Variants in ABCA7 observed in about 807,000 individuals in gnomAD.
The protein encoded by ABCA7 is ATP binding cassette subfamily A member 7.
A neutral mutation model predicts 227.6 loss-of-function variants in ABCA7; 261 were observed. The observed-to-expected ratio is 1.15, with a 90% CI of 1.04 to 1.27. The LOEUF (loss-of-function observed/expected upper bound fraction) is 1.27, where lower values mean the gene tolerates loss of function less well. Among genes scored for constraint, ABCA7 ranks in the 50% most tolerant of loss-of-function variants. The pLI is 0.00. For missense variants in ABCA7, 3,331 were observed against 2,924.5 expected, an observed-to-expected ratio of 1.14 and a Z score of -3.21; for synonymous variants, 1,488 against 1,279.7, an observed-to-expected ratio of 1.16 and a Z score of -3.47.
In ABCA7 at chr19:1,064,668, G is replaced by C. The variant is rs952721412; in HGVS notation, c.6045-263G>C. ...GTGTCCGAAAAAGGAGTCAAGTGGG[G>C]TGATAGCTTCGAGAGCAACCTGGGC... is the stretch of plus-strand genomic sequence containing the variant. On this transcript the variant is annotated intron_variant, in intron 45 of 46. Coordinates refer to ENST00000263094, the MANE Select transcript of ABCA7 (RefSeq NM_019112.4). 61 of 560,954 alleles carry C rather than the reference G, an allele frequency of 1.1e-4. No individual in the cohort carries two copies. The African/African-American group carries it at 1.2e-3, about 11-fold the overall frequency. The allele number at this position is 560,954 out of a possible 1,614,324, so 34.7% of individuals were successfully genotyped here.
At chr19:1,061,748 C>A in intron 40 of ABCA7, 34 bp from the exon 41 acceptor site, 1 of 1,573,168 alleles carries the variant, frequency 6.4e-7, no homozygotes, top group Non-Finnish European at 8.7e-7. Flanking sequence ...GGGCCTGGGG[C>A]CTCACTGAGC....
rs1234415864 is a variant in ABCA7 at position 1,048,496 on chromosome 19, C to CAAAAAAAAAAAAAAA, written c.2270-386_2270-385insAAAAAAAAAAAAAAA. Among the ~76,000 whole-genome samples the CAAAAAAAAAAAAAAA allele has an allele frequency of 1.4e-4, 3 of 21,628 alleles. 1 individual carries two copies. The highest frequency in any genetic ancestry group is 5.6e-4 in the African/African-American group (3 of 5,358). 14.2% of individuals were successfully genotyped at this position (21,628 alleles called of 152,430 possible). The stretch of plus-strand genomic sequence containing the variant: ...GGGCAACAAGAGTGAAACTCAGTCT[C>CAAAAAAAAAAAAAAA]AAAAAAAAAAAAACAAAAAAAAAAA... On this transcript the variant is annotated intron_variant, in intron 16 of 46. Coordinates refer to ENST00000263094, the MANE Select transcript of ABCA7 (RefSeq NM_019112.4).
rs368743296 is a variant in ABCA7 at position 1,058,179 on chromosome 19, G to A, written c.5059G>A (p.Val1687Ile). The A allele has an allele frequency of 5.0e-6, 8 of 1,613,722 alleles. No individual in the cohort carries two copies. Among genetic ancestry groups the A allele is most frequent in the Non-Finnish European group, 6.8e-6 (8 of 1,179,954 alleles). ...GGAGGTGAGCCGGATCTTGAAACAG[G>A]TCTTCCTTATCTTCCCCCACTTCTG... Reference protein sequence around the residue: ...LQEVSRILKQVFLIFPHFCLG... With the variant: ...LQEVSRILKQIFLIFPHFCLG... The change falls in exon 37 of 47, where the codon GTC becomes ATC. Residue 1687 changes from valine to isoleucine, a missense_variant. Transcript: ENST00000263094.
chr19:1,041,087 A>G (rs66544261), intron 1 of ABCA7, 138 bp from the exon 2 acceptor site: 7,375 of 549,860 alleles, frequency 0.013, 457 homozygotes, highest in African/African-American at 0.13. Flanking sequence ...CCCAGCTGTC[A>G]GCCCTGCTCA....
In ABCA7 at chr19:1,054,561, G is replaced by C. The variant is rs754674749; in HGVS notation, c.3727-9G>C. ...GATGGAAGCAGCAGCTGATGGGCTG[G>C]TCCCCCAGATCGTGCTGCCTGCCCT... On this transcript the variant is annotated splice_polypyrimidine_tract_variant and intron_variant, in intron 27 of 46. Transcript: ENST00000263094. The surrounding 1 kb of genome is among the most constrained non-coding windows in gnomAD (Gnocchi z 4.8). 7 of 1,606,904 alleles carry C rather than the reference G, an allele frequency of 4.4e-6. No individual in the cohort carries two copies. In the Admixed American group the frequency reaches 8.3e-5, roughly 19 times the overall value.
chr19:1,063,773 C>T lies in ABCA7; in HGVS notation c.5861C>T (p.Thr1954Ile), dbSNP rs1361245605. Reference sequence around the variant, plus strand: ...CGTGCTCCCCAGGACGAGCCGACCACAGGCATGGACCCCAGCGCGCGGCGC... The same window carrying T: ...CGTGCTCCCCAGGACGAGCCGACCATAGGCATGGACCCCAGCGCGCGGCGC... ...PAVVFLDEPT[T>I]GMDPSARRFL... Residue 1954 changes from threonine to isoleucine, a missense_variant, in exon 44 of 47, where the codon ACA becomes ATA. Physicochemically the swap from Thr to Ile is moderately conservative, Grantham distance 89 (BLOSUM62 -1). Coordinates refer to ENST00000263094, the MANE Select transcript of ABCA7 (RefSeq NM_019112.4). 1 of 1,547,266 alleles carries T rather than the reference C, an allele frequency of 6.5e-7. No homozygotes were observed. The highest frequency in any genetic ancestry group is 1.2e-5 in the South Asian group (1 of 84,390).
chr19:1,041,940 G>T lies in ABCA7; in HGVS notation c.270G>T (p.Glu90Asp). The part of the protein sequence containing the change: ...TCFPQLTPGE[E>D]PGRLSNFNDS... Reference sequence around the variant, plus strand: ...TTCCGCAGCTGACACCGGGCGAGGAGCCCGGGCGCCTGAGCAACTTCAACG... The same window carrying T: ...TTCCGCAGCTGACACCGGGCGAGGATCCCGGGCGCCTGAGCAACTTCAACG... Residue 90 changes from glutamate (E) to aspartate (D), a missense_variant, in exon 4 of 47, where the codon GAG becomes GAT. Glu to Asp is a conservative substitution (Grantham distance 45). Transcript: ENST00000263094. The T allele has an allele frequency of 6.3e-7, 1 of 1,590,722 alleles. No individual in the cohort carries two copies. The highest frequency in any genetic ancestry group is 8.5e-7 in the Non-Finnish European group (1 of 1,174,262).
chr19:1,054,399 C>T lies in ABCA7; in HGVS notation c.3726+58C>T, dbSNP rs149751912. On this transcript the variant is annotated intron_variant, in intron 27 of 46. Coordinates refer to ENST00000263094, the MANE Select transcript of ABCA7 (RefSeq NM_019112.4). This position sits in a 1 kb window ranked among gnomAD's most constrained non-coding sequence, Gnocchi z 4.8. ...GAGTCCCTGAGTTCCCTACCCTGGC[C>T]GTCCACTCAGTGGCCTAATCCAAAC... 163 of 1,557,204 alleles carry T rather than the reference C, an allele frequency of 1.0e-4. 1 individual carries two copies. In the Middle Eastern group the frequency reaches 1.6e-3, roughly 15 times the overall value.
chr19:1,054,823 G>C lies in ABCA7; in HGVS notation c.3895G>C (p.Ala1299Pro). 6.3e-7 allele frequency: 1 copy of C among 1,576,728 alleles called. No individual in the cohort carries two copies. ...CCCTGGACGTGCCCGGCTGCTCGAG[G>C]CGCTGCTGCAGGAGGCAGGACTGGA... is the stretch of plus-strand genomic sequence containing the variant. ...GDPGRARLLE[A>P]LLQEAGLEEP... is the part of the protein sequence containing the mutation. The change falls in exon 29 of 47, where the codon GCG (alanine) becomes CCG (proline). Residue 1299 changes from alanine (A) to proline (P), a missense_variant. Ala to Pro is a conservative substitution (Grantham distance 27, BLOSUM62 -1). Coordinates refer to ENST00000263094, the MANE Select transcript of ABCA7 (RefSeq NM_019112.4). The surrounding 1 kb of genome is among the most constrained non-coding windows in gnomAD (Gnocchi z 4.8).
chr19:1,051,449 G>A lies in ABCA7; in HGVS notation c.2825G>A (p.Gly942Asp), dbSNP rs1175842086. 1 of 1,582,908 alleles carries A rather than the reference G, an allele frequency of 6.3e-7. No individual in the cohort carries two copies. Among genetic ancestry groups the A allele is most frequent in the Non-Finnish European group, 8.6e-7 (1 of 1,163,006 alleles). Residue 942 changes from glycine to aspartate, a missense_variant and splice_region_variant, in exon 21 of 47, where the codon GGT (glycine) becomes GAT (aspartate). Coordinates refer to ENST00000263094, the MANE Select transcript of ABCA7 (RefSeq NM_019112.4). ...KQSVQTRHLS[G>D]GMQRKLSVAI... The stretch of plus-strand genomic sequence containing the variant: ...GAGGTCCCTTCCCCATCTCTACCAG[G>A]TGGGATGCAACGGAAGCTGTCCGTG...
chr19:1,064,889 G>C (rs2042943261), intron 45 of ABCA7, 42 bp from the exon 46 acceptor site: 1 of 1,539,528 alleles, frequency 6.5e-7, no homozygotes, highest in Non-Finnish European at 8.8e-7. Flanking sequence ...GGTGGGACCT[G>C]GGAAAGGCCC....
In ABCA7 at chr19:1,044,988, C is replaced by G; in HGVS notation, c.1216-14C>G. ...CGGACCCCAGCGCCTAGGACTCACCCCCGCATCCCACAGTGCCTGTCCTTG... is the reference window on the plus strand; with the variant it reads ...CGGACCCCAGCGCCTAGGACTCACCGCCGCATCCCACAGTGCCTGTCCTTG... On this transcript the variant is annotated splice_polypyrimidine_tract_variant and intron_variant, in intron 11 of 46. Coordinates refer to ENST00000263094, the MANE Select transcript of ABCA7 (RefSeq NM_019112.4). The G allele has an allele frequency of 6.2e-7, 1 of 1,611,734 alleles. No homozygotes were observed. Among genetic ancestry groups the G allele is most frequent in the Non-Finnish European group, 8.5e-7 (1 of 1,179,464 alleles).
chr19:1,062,980 C>T (rs374677006), intron 42 of ABCA7, among the ~76,000 whole-genome samples: 1 of 124,872 alleles, frequency 8.0e-6, no homozygotes. Flanking sequence ...GCTCCACCCA[C>T]ACCATGGCCC....
chr19:1,055,097 G>C lies in ABCA7; in HGVS notation c.3951G>C (p.Arg1317Ser). Residue 1317 changes from arginine to serine, a missense_variant and splice_region_variant, in exon 30 of 47, where the codon AGG becomes AGC. Arg to Ser is a moderately radical substitution (Grantham distance 110). Coordinates refer to ENST00000263094, the MANE Select transcript of ABCA7 (RefSeq NM_019112.4). ...EEPPVQHSSH[R>S]FSAPEVPAEV... is the part of the protein sequence containing the mutation. ...AGTGTGCACAGCCCATTGTCTGCAG[G>C]TTCTCGGCACCAGAAGTTCCTGCTG... 6.2e-7 allele frequency: 1 copy of C among 1,611,218 alleles called. No individual in the cohort carries two copies. Among genetic ancestry groups the C allele is most frequent in the South Asian group, 1.1e-5 (1 of 90,968 alleles).
At position 1,065,063 on chromosome 19, in the gene ABCA7, G is replaced by T; in HGVS notation, c.6177G>T (p.Leu2059=). 1 of 1,562,800 alleles carries T rather than the reference G, an allele frequency of 6.4e-7. No individual in the cohort carries two copies. Reference sequence around the variant, plus strand: ...ATGGAGGCCGCCTGCGCTTCCAGCTGCCGCCGGGAGGGCGCTGCGCCCTGG... The same window carrying T: ...ATGGAGGCCGCCTGCGCTTCCAGCTTCCGCCGGGAGGGCGCTGCGCCCTGG... ...EAHGGRLRFQ[L]PPGGRCALAR... is the part of the protein sequence containing the mutation. The change falls in exon 46 of 47, where the codon CTG becomes CTT. Residue 2059 remains leucine (L), a synonymous_variant. Coordinates refer to ENST00000263094, the MANE Select transcript of ABCA7 (RefSeq NM_019112.4).
At chr19:1,046,208 G>A (rs1158466578) in intron 12 of ABCA7, 22 bp from the exon 13 acceptor site, 6 of 1,602,418 alleles carry the variant, frequency 3.7e-6, no homozygotes, top group South Asian at 3.3e-5. Context: ...CCCTACAACC[G>A]GCCACCATGC....
chr19:1,057,023 T>G lies in ABCA7; in HGVS notation c.4703T>G (p.Leu1568Arg). ...GAGCGAGTCACCCGAGCCAAGCACC[T>G]GCAGCTCATGGGGGGCCTGTCCCCC... is the stretch of plus-strand genomic sequence containing the variant. ...IEERVTRAKHLQLMGGLSPTL... is the reference protein window; with the variant it reads ...IEERVTRAKHRQLMGGLSPTL... Residue 1568 changes from leucine (L) to arginine (R), a missense_variant, in exon 34 of 47, where the codon CTG becomes CGG. Leu to Arg is a moderately radical substitution (Grantham distance 102, BLOSUM62 -2). Coordinates refer to ENST00000263094, the MANE Select transcript of ABCA7 (RefSeq NM_019112.4). The G allele has an allele frequency of 6.2e-7, 1 of 1,613,878 alleles. No individual in the cohort carries two copies. The highest frequency in any genetic ancestry group is 8.5e-7 in the Non-Finnish European group (1 of 1,180,004).
chr19:1,054,507 G>C lies in ABCA7; in HGVS notation c.3727-63G>C. ...CATGGGTGGTTGTAGAGCAGGAGCA[G>C]GGACAGGTGCAAGCAAGCCTGGAGG... On this transcript the variant is annotated intron_variant, in intron 27 of 46. Coordinates refer to ENST00000263094, the MANE Select transcript of ABCA7 (RefSeq NM_019112.4). The surrounding 1 kb of genome is among the most constrained non-coding windows in gnomAD (Gnocchi z 4.8). The C allele has an allele frequency of 3.8e-6, 6 of 1,584,746 alleles. No homozygotes were observed. The South Asian group carries it at 6.7e-5, about 18-fold the overall frequency.
Position 1,048,894 on chromosome 19 carries a change from G to T in ABCA7, c.2270-1G>T. 1 of 1,597,600 alleles carries T rather than the reference G, an allele frequency of 6.3e-7. No homozygotes were observed. Among genetic ancestry groups the T allele is most frequent in the Non-Finnish European group, 8.5e-7 (1 of 1,171,204 alleles). On this transcript the variant is annotated splice_acceptor_variant, in intron 16 of 46. Coordinates refer to ENST00000263094, the MANE Select transcript of ABCA7 (RefSeq NM_019112.4). LOFTEE classifies it high-confidence loss of function. ...GCAATAACCCGCGCCCCTCCCCGCA[G>T]GCCAGTACGGGATCCCTGAACCATG... is the stretch of plus-strand genomic sequence containing the variant.
Sources: gnomAD v4.1 joint callset for allele counts (sites outside exome capture counted in the v4.1 genomes callset) on GRCh38, gnomAD v4.1.1 for gene constraint, Gnocchi (gnomAD v3.1) non-coding constraint, MANE v1.5 for transcripts, NCBI Gene and HGNC (gene_info 2026-07-23, HGNC 2026-07-21) for gene names.